Variants in TRIO observed in about 807,000 individuals in gnomAD.
The protein encoded by TRIO is triple functional domain protein.
TRIO carries 58 observed loss-of-function variants against 351.9 expected under a neutral mutation model. The ratio of observed to expected loss-of-function variants is 0.16; its 90% confidence interval spans 0.13 to 0.21. TRIO has a LOEUF of 0.21. TRIO is among the 10% of genes least tolerant of loss of function. The probability of loss-of-function intolerance (pLI) is 1.00; values close to 1 mark genes in which losing one functional copy is unlikely to be tolerated. For missense variants in TRIO, 3,201 were observed against 4,027.8 expected, an observed-to-expected ratio of 0.79 and a Z score of 5.56; for synonymous variants, 1,758 against 1,595.7, an observed-to-expected ratio of 1.10 and a Z score of -2.42.
At chr5:14,425,280 T>A (rs988547441) in intron 34 of TRIO, among the ~76,000 whole-genome samples, 3 of 152,358 alleles carry the variant, frequency 2.0e-5, no homozygotes, top group Non-Finnish European at 1.5e-5. Flanking sequence ...CTCCATGAGT[T>A]TGACTGTTGT....
rs200321663 is a variant in TRIO at position 14,305,806 on chromosome 5, AT to A, written c.1500+1215del. 7.1e-3 allele frequency among the ~76,000 whole-genome samples: 1,074 copies of A among 152,340 alleles called. 10 individuals carry two copies. The highest frequency in any genetic ancestry group is 0.025 in the African/African-American group (1,021 of 41,586). ...TGCTACAGTTTTGTGTCTCATAAAG[AT>A]GTTTTGGTCAGTGATGGACTGCAAA... On this transcript the variant is annotated intron_variant, in intron 8 of 56. Coordinates refer to ENST00000344204, the MANE Select transcript of TRIO (RefSeq NM_007118.4).
chr5:14,198,113 A>G (rs1790886931), intron 1 of TRIO, among the ~76,000 whole-genome samples: 1 of 152,250 alleles, frequency 6.6e-6, no homozygotes, highest in Non-Finnish European at 1.5e-5. Flanking sequence ...AATTTAGAAA[A>G]CAGAAGAAAA....
At chr5:14,311,879 G>C (rs958157292) in intron 8 of TRIO, among the ~76,000 whole-genome samples, 2 of 152,058 alleles carry the variant, frequency 1.3e-5, no homozygotes, top group Non-Finnish European at 2.9e-5. Flanking sequence ...TAAATGTCTT[G>C]GTGTATTTTG....
At chr5:14,380,240 G>A (rs1745953185) in intron 20 of TRIO, among the ~76,000 whole-genome samples, 1 of 151,672 alleles carries the variant, frequency 6.6e-6, no homozygotes, top group African/African-American at 2.4e-5. Flanking sequence ...ACTAGGTGTG[G>A]TGTTCTCAGT....
chr5:14,410,427 G>A (rs2152383456), intron 33 of TRIO, among the ~76,000 whole-genome samples: 1 of 152,272 alleles, frequency 6.6e-6, no homozygotes, highest in East Asian at 1.9e-4. Context: ...TCTGCAAAAT[G>A]CACTGTCCCT....
At chr5:14,326,905 T>C (rs1367955348) in intron 9 of TRIO, among the ~76,000 whole-genome samples, 2 of 152,208 alleles carry the variant, frequency 1.3e-5, no homozygotes, top group Non-Finnish European at 2.9e-5. Context: ...GAATATTAGC[T>C]GGATTTCATA....
chr5:14,316,243 TA>T (rs1342064012), intron 8 of TRIO, among the ~76,000 whole-genome samples: 1 of 152,242 alleles, frequency 6.6e-6, no homozygotes, highest in African/African-American at 2.4e-5. Flanking sequence ...TTGTAGTAAT[TA>T]ATGTTCTTTT....
intron 10 of TRIO, among the ~76,000 whole-genome samples, chr5:14,332,929 C>G (rs1741039484): frequency 1.3e-5 from 2 of 152,286 alleles, no homozygotes; most frequent in South Asian, 4.1e-4. Flanking sequence ...TTGGTGAATA[C>G]TAGCCTTGTG....
chr5:14,420,882 G>C (rs1271567919), intron 34 of TRIO: 1 of 152,250 alleles, frequency 6.6e-6, no homozygotes, highest in Non-Finnish European at 1.5e-5. Context: ...TTCCGCATGT[G>C]CCTTTCCTGT....
intron 9 of TRIO, among the ~76,000 whole-genome samples, chr5:14,318,677 G>C (rs192426853): frequency 7.9e-5 from 12 of 152,228 alleles, no homozygotes; most frequent in Admixed American, 7.8e-4. Flanking sequence ...GCTGGAGCCA[G>C]TGGTGAAGAG....
chr5:14,460,906 T>G, intron 34 of TRIO, 113 bp from the exon 35 acceptor site: 1 of 1,290,156 alleles, frequency 7.8e-7, no homozygotes, highest in African/African-American at 1.5e-5. Flanking sequence ...CAAAGCCCGC[T>G]GACGAGGCAT....
rs114600605 is a variant in TRIO at position 14,357,782 on chromosome 5, A to G, written c.2047-396A>G. On this transcript the variant is annotated intron_variant, in intron 11 of 56. Transcript: ENST00000344204. ...TTGAAATACAAGTGTCCACCTGCTA[A>G]GTAAGAGCCCGAGACATATCAGCAG... is the stretch of plus-strand genomic sequence containing the variant. 2.6e-4 allele frequency among the ~76,000 whole-genome samples: 40 copies of G among 152,312 alleles called. 1 individual carries two copies. The highest frequency in any genetic ancestry group is 9.6e-4 in the African/African-American group (40 of 41,560).
rs975015281 is a variant in TRIO, at chr5:14,225,441, G to A, written c.158-45384G>A. ...CTGTTCAGGGTCTCACAAGGCCATT[G>A]GGACTGCATTTCCATCTGAAGCTTG... On this transcript the variant is annotated intron_variant, in intron 1 of 56. Coordinates refer to ENST00000344204, the MANE Select transcript of TRIO (RefSeq NM_007118.4). 2.6e-5 allele frequency among the ~76,000 whole-genome samples: 4 copies of A among 152,284 alleles called. No individual in the cohort carries two copies. The South Asian group carries it at 6.2e-4, about 24-fold the overall frequency.
intron 49 of TRIO, among the ~76,000 whole-genome samples, chr5:14,493,447 G>A (rs1397854623): frequency 6.6e-6 from 1 of 152,064 alleles, no homozygotes; most frequent in Non-Finnish European, 1.5e-5. Context: ...TATTGTATTT[G>A]TTACGGTGAT....
intron 1 of TRIO, among the ~76,000 whole-genome samples, chr5:14,171,006 ACT>A (rs1363934004): frequency 2.0e-5 from 3 of 152,152 alleles, no homozygotes; most frequent in Non-Finnish European, 2.9e-5. Flanking sequence ...CTGAAACTTG[ACT>A]CTGTTTTAGC....
At chr5:14,395,973 G>A (rs1747528544) in intron 28 of TRIO, among the ~76,000 whole-genome samples, 1 of 150,250 alleles carries the variant, frequency 6.7e-6, no homozygotes, top group South Asian at 2.1e-4. Flanking sequence ...ATGAACCTGG[G>A]AGGCAGAGCT....
chr5:14,327,561 T>C (rs1033734932), intron 9 of TRIO, among the ~76,000 whole-genome samples: 2 of 152,216 alleles, frequency 1.3e-5, no homozygotes, highest in Non-Finnish European at 2.9e-5. Flanking sequence ...AATTGTGCCC[T>C]TATTTCAAGT....
intron 1 of TRIO, among the ~76,000 whole-genome samples, chr5:14,239,718 G>A (rs1416584331): frequency 6.6e-6 from 1 of 152,148 alleles, no homozygotes; most frequent in African/African-American, 2.4e-5. Context: ...CTGCGTTCTC[G>A]TTGCATGGAG....
intron 33 of TRIO, among the ~76,000 whole-genome samples, chr5:14,412,268 G>A (rs764978981): frequency 1.3e-5 from 2 of 152,162 alleles, no homozygotes; most frequent in South Asian, 2.1e-4. Context: ...GATTACAGGC[G>A]TGAGCCACCA....
Sources: gnomAD v4.1 joint callset for allele counts (sites outside exome capture counted in the v4.1 genomes callset) on GRCh38, gnomAD v4.1.1 for gene constraint, MANE v1.5 for transcripts, NCBI Gene and HGNC (gene_info 2026-07-23, HGNC 2026-07-21) for gene names.